The following SPON2 variants were observed in gnomAD, a reference collection of about 807,000 sequenced individuals.
SPON2 encodes spondin 2.
Under a neutral mutation model 29.9 loss-of-function variants are expected in SPON2, and 32 were observed. The observed-to-expected ratio is 1.07, with a 90% CI of 0.81 to 1.44. SPON2 has a LOEUF of 1.44. Ranked by LOEUF, SPON2 falls within the 40% of genes most tolerant of loss-of-function variation. SPON2 has a pLI of 0.00. For synonymous variants in SPON2, 248 were observed against 209.1 expected (o/e 1.19, Z -1.61); for missense variants, 541 against 455.5 (o/e 1.19, Z -1.71).
intron 1 of SPON2, among the ~76,000 whole-genome samples, chr4:1,191,195 C>T (rs558200624): frequency 2.0e-5 from 3 of 151,658 alleles, no homozygotes; most frequent in Non-Finnish European, 4.4e-5. Context: ...AAGACTTACA[C>T]GTCCCAATTT....
At chr4:1,198,682 G>A (rs368899705), upstream of SPON2, among the ~76,000 whole-genome samples, 55 of 152,146 alleles carry the variant, frequency 3.6e-4, 2 homozygotes, top group African/African-American at 1.3e-3. Flanking sequence ...GCAGCATCGT[G>A]TTATGGCCAA....
At chr4:1,186,119 C>T (rs1345041343) in intron 1 of SPON2, among the ~76,000 whole-genome samples, 1 of 150,942 alleles carries the variant, frequency 6.6e-6, no homozygotes, top group Non-Finnish European at 1.5e-5. Flanking sequence ...TGGTGGGCGC[C>T]TGTAGTCCCA....
At chr4:1,178,221 C>G (rs1005673749) in intron 2 of SPON2, among the ~76,000 whole-genome samples, 1 of 149,400 alleles carries the variant, frequency 6.7e-6, no homozygotes, top group Non-Finnish European at 1.5e-5. Flanking sequence ...GCACCACGGG[C>G]TCTGCACACA....
At position 1,202,593 on chromosome 4, in the gene SPON2, A is replaced by T. The variant is rs975137717; in HGVS notation, c.-234+5287T>A. Among the ~76,000 whole-genome samples the T allele has an allele frequency of 1.3e-5, 2 of 151,480 alleles. No homozygotes were observed. The highest frequency in any genetic ancestry group is 4.9e-5 in the African/African-American group (2 of 41,112). ...TGTGGGCTCAGCCCACTCAGTGCTC[A>T]TGGGTCGGAGTCTCCTGCCTGCCGC... On this transcript the variant is annotated intron_variant, in intron 1 of 3. Transcript: ENST00000509233. The surrounding 1 kb of genome is among the most constrained non-coding windows in gnomAD (Gnocchi z 5.4).
At chr4:1,178,056 C>T (rs1472056309), upstream of SPON2, among the ~76,000 whole-genome samples, 1 of 150,012 alleles carries the variant, frequency 6.7e-6, no homozygotes, top group Non-Finnish European at 1.5e-5. Context: ...GGGCTCTGCA[C>T]ACACTGAGGG....
intron 1 of SPON2, among the ~76,000 whole-genome samples, chr4:1,180,563 G>A: frequency 6.6e-6 from 1 of 152,178 alleles, no homozygotes; most frequent in African/African-American, 2.4e-5. Context: ...GATGCTGGAT[G>A]TACCAGACAA....
chr4:1,192,715 G>T (rs1238940694), intron 1 of SPON2, among the ~76,000 whole-genome samples: 3 of 152,168 alleles, frequency 2.0e-5, no homozygotes, highest in Non-Finnish European at 4.4e-5. Flanking sequence ...TGGGGGGTAC[G>T]GCCATCCTGC....
intron 1 of SPON2, among the ~76,000 whole-genome samples, chr4:1,184,138 A>G (rs1727749728): frequency 6.6e-6 from 1 of 152,082 alleles, no homozygotes; most frequent in Non-Finnish European, 1.5e-5. Flanking sequence ...CACCATGCCC[A>G]GCTAATTTTT....
rs377132389 is a variant in SPON2, at chr4:1,179,087, C to T, written c.-145+361G>A. ...GGACACCCAGAAGGAGGATGTGAAT[C>T]GTGCCAGTGAGCTGAGCTGCAGCCC... On this transcript the variant is annotated intron_variant, in intron 2 of 3. Coordinates refer to the SPON2 transcript ENST00000502483. Among the ~76,000 whole-genome samples, 45 of 152,308 alleles carry T rather than the reference C, an allele frequency of 3.0e-4. No individual in the cohort carries two copies. In the South Asian group the frequency reaches 6.8e-3, roughly 23 times the overall value.
At chr4:1,167,756 C>G in intron 5 of SPON2, 100 bp from the exon 6 acceptor site, 2 of 1,310,628 alleles carry the variant, frequency 1.5e-6, no homozygotes, top group African/African-American at 3.0e-5. Flanking sequence ...TCATCAGAGG[C>G]CACGCCCACC....
intron 2 of SPON2, among the ~76,000 whole-genome samples, chr4:1,178,475 T>C (rs1252376019): frequency 6.6e-6 from 1 of 151,680 alleles, no homozygotes; most frequent in East Asian, 1.9e-4. Flanking sequence ...CCCACTCTCC[T>C]CTGTCCCTCC....
Position 1,171,243 on chromosome 4 carries a change from C to G in SPON2, c.444+20G>C. ...GGCCCCGGCCCCCCGGACCCCGCCC[C>G]CGGCCGGCCCCGCGCTCACCAGCGA... On this transcript the variant is annotated intron_variant, in intron 3 of 5. Coordinates refer to ENST00000290902, the MANE Select transcript of SPON2 (RefSeq NM_012445.4). 7.0e-7 allele frequency: 1 copy of G among 1,430,992 alleles called. No individual in the cohort carries two copies. Among genetic ancestry groups the G allele is most frequent in the Non-Finnish European group, 9.1e-7 (1 of 1,103,334 alleles). The allele number at this position is 1,430,992 out of a possible 1,614,324, so 88.6% of individuals were successfully genotyped here. A position where few individuals can be genotyped will look rare whatever the true frequency, so the allele number is the denominator to read the frequency against.
At chr4:1,176,329 A>G (rs1235239359), upstream of SPON2, among the ~76,000 whole-genome samples, 1 of 152,102 alleles carries the variant, frequency 6.6e-6, no homozygotes, top group Non-Finnish European at 1.5e-5. Context: ...CCCACACAGA[A>G]GAGTTCCTCT....
chr4:1,179,535 G>A (rs541435496), exon 2 of SPON2: 9 of 152,144 alleles, frequency 5.9e-5, no homozygotes, highest in Non-Finnish European at 1.3e-4. Flanking sequence ...TCCAAGCAGT[G>A]AGGAAACTGG....
chr4:1,187,692 C>T (rs978372202), intron 1 of SPON2, among the ~76,000 whole-genome samples: 4 of 152,016 alleles, frequency 2.6e-5, no homozygotes, highest in East Asian at 3.9e-4. Context: ...AAAAACTTTG[C>T]GCATATATAG....
upstream of SPON2, among the ~76,000 whole-genome samples, chr4:1,176,852 C>CTTCA (rs200639036): frequency 1.3e-5 from 2 of 151,720 alleles, no homozygotes; most frequent in East Asian, 2.0e-4. Context: ...CATTCACACA[C>CTTCA]TTCATTCATT....
At chr4:1,200,833 G>T (rs1204838101) in intron 1 of SPON2, 6 of 456,558 alleles carry the variant, frequency 1.3e-5, no homozygotes, top group African/African-American at 1.2e-4. Flanking sequence ...TCCTGGAGGT[G>T]GGGCCAAGTC....
chr4:1,203,268 C>T (rs1048427781), intron 1 of SPON2, among the ~76,000 whole-genome samples: 3 of 152,218 alleles, frequency 2.0e-5, no homozygotes, highest in African/African-American at 4.8e-5. Flanking sequence ...GCTGTGCCCT[C>T]GCCCCCAGCC....
At chr4:1,191,553 G>T (rs1197550063) in intron 1 of SPON2, among the ~76,000 whole-genome samples, 1 of 152,240 alleles carries the variant, frequency 6.6e-6, no homozygotes, top group Non-Finnish European at 1.5e-5. Flanking sequence ...CAGTCTCCCA[G>T]TGAAGGTGCT....
Sources: gnomAD v4.1 joint callset for allele counts (sites outside exome capture counted in the v4.1 genomes callset) on GRCh38, gnomAD v4.1.1 for gene constraint, Gnocchi (gnomAD v3.1) non-coding constraint, MANE v1.5 for transcripts, NCBI Gene and HGNC (gene_info 2026-07-23, HGNC 2026-07-21) for gene names.